FBRS: variants seen among roughly 807,000 people sequenced by gnomAD.
The protein encoded by FBRS is probable fibrosin-1.
Under a neutral mutation model 86.1 loss-of-function variants are expected in FBRS, and 15 were observed. The observed-to-expected ratio is 0.17, with a 90% CI of 0.12 to 0.27. The LOEUF (loss-of-function observed/expected upper bound fraction) is 0.27, where lower values mean the gene tolerates loss of function less well. FBRS is among the 10% of genes least tolerant of loss of function. The pLI, the probability that FBRS is intolerant of heterozygous loss-of-function variation, is 1.00. For missense variants in FBRS, 1,367 were observed against 1,301.6 expected, an observed-to-expected ratio of 1.05 and a Z score of -0.77; for synonymous variants, 666 against 575.8, an observed-to-expected ratio of 1.16 and a Z score of -2.24.
Position 30,664,456 on chromosome 16 carries a change from C to A in FBRS, c.1297C>A (p.Pro433Thr). The change falls in exon 7 of 18, where the codon CCC becomes ACC. Residue 433 changes from proline (P) to threonine (T), a missense_variant. Coordinates refer to ENST00000356166, the MANE Select transcript of FBRS (RefSeq NM_001105079.3). ...CTCCCCTGGCCCCACCCTGCCCCCA[C>A]CCCCACCCCTGCTGCAGGTGCCAGG... Reference protein sequence around the residue: ...LFSPGPTLPPPPPLLQVPGHP... With the variant: ...LFSPGPTLPPTPPLLQVPGHP... The A allele has an allele frequency of 7.0e-7, 1 of 1,419,526 alleles. No homozygotes were observed. The highest frequency in any genetic ancestry group is 9.2e-7 in the Non-Finnish European group (1 of 1,085,072). The allele number at this position is 1,419,526 out of a possible 1,614,324, so 87.9% of individuals were successfully genotyped here.
chr16:30,665,461 G>A lies in FBRS; in HGVS notation c.1704+60G>A. ...CATCTTGACAAACCCAGACACGCCG[G>A]GTCCAAGCACCCTTCTCCCATTCCC... On this transcript the variant is annotated intron_variant, in intron 10 of 17. Coordinates refer to ENST00000356166, the MANE Select transcript of FBRS (RefSeq NM_001105079.3). This position sits in a 1 kb window ranked among gnomAD's most constrained non-coding sequence, Gnocchi z 4.1. 4 of 1,495,662 alleles carry A rather than the reference G, an allele frequency of 2.7e-6. No homozygotes were observed. Among genetic ancestry groups the A allele is most frequent in the Non-Finnish European group, 3.6e-6 (4 of 1,096,426 alleles). The allele number at this position is 1,495,662 out of a possible 1,614,324, so 92.6% of individuals were successfully genotyped here.
rs1174160145 is a variant in FBRS at position 30,668,815 on chromosome 16, A to G, written c.2202A>G (p.Pro734=). ...VFAQKESPGA[P]PAFASPPDPW... Reference sequence around the variant, plus strand: ...CCCAGAAAGAAAGCCCAGGGGCCCCACCAGCCTTCGCCTCCCCACCGGACC... The same window carrying G: ...CCCAGAAAGAAAGCCCAGGGGCCCCGCCAGCCTTCGCCTCCCCACCGGACC... The change falls in exon 17 of 18, where the codon CCA becomes CCG. Residue 734 remains proline, a synonymous_variant. Coordinates refer to ENST00000356166, the MANE Select transcript of FBRS (RefSeq NM_001105079.3). 2 of 1,598,172 alleles carry G rather than the reference A, an allele frequency of 1.3e-6. No individual in the cohort carries two copies. The highest frequency in any genetic ancestry group is 1.3e-5 in the African/African-American group (1 of 74,866).
At position 30,667,531 on chromosome 16, in the gene FBRS, C is replaced by T; in HGVS notation, c.1994-11C>T. ...TCAGCCTCATCAGAATCTCCCACCT[C>T]TCTGCCCCAGGTGCCGTCCACGCTG... On this transcript the variant is annotated splice_polypyrimidine_tract_variant and intron_variant, in intron 14 of 17. Coordinates refer to ENST00000356166, the MANE Select transcript of FBRS (RefSeq NM_001105079.3). 1.3e-6 allele frequency: 2 copies of T among 1,529,988 alleles called. No individual in the cohort carries two copies. Among genetic ancestry groups the T allele is most frequent in the Non-Finnish European group, 1.8e-6 (2 of 1,136,274 alleles). 94.8% of individuals were successfully genotyped at this position (1,529,988 alleles called of 1,614,324 possible). A position where few individuals can be genotyped will look rare whatever the true frequency, so the allele number is the denominator to read the frequency against.
chr16:30,668,984 G>GC lies in FBRS; in HGVS notation c.2366+7dup. 1 of 1,563,864 alleles carries GC rather than the reference G, an allele frequency of 6.4e-7. No individual in the cohort carries two copies. The highest frequency in any genetic ancestry group is 1.9e-5 in the Admixed American group (1 of 53,512). On this transcript the variant is annotated splice_donor_region_variant and intron_variant, in intron 17 of 17. Transcript: ENST00000356166. ...CACCAAGGAGGAGAAGGACAGGTGTGCCTCCCACCCACCCTGCCCCTGCCC... is the reference window on the plus strand; with the variant it reads ...CACCAAGGAGGAGAAGGACAGGTGTGCCCTCCCACCCACCCTGCCCCTGCCC...
Position 30,668,895 on chromosome 16 carries a change from C to T in FBRS, c.2282C>T (p.Pro761Leu). 1 of 1,586,390 alleles carries T rather than the reference C, an allele frequency of 6.3e-7. No individual in the cohort carries two copies. The change falls in exon 17 of 18, where the codon CCT becomes CTT. Residue 761 changes from proline (P) to leucine (L), a missense_variant. Around this residue, in one of 3 missense-constraint regions of FBRS, gnomAD observed 659 missense variants for 678.8 expected, o/e 0.97. Coordinates refer to ENST00000356166, the MANE Select transcript of FBRS (RefSeq NM_001105079.3). ...PLTFPAWVRPPEAARTPGSDK... is the reference protein window; with the variant it reads ...PLTFPAWVRPLEAARTPGSDK... ...ACCTTTCCTGCCTGGGTCCGGCCCC[C>T]TGAGGCCGCCCGGACTCCAGGCTCA...
intron 16 of FBRS, 27 bp downstream of exon 16, chr16:30,668,670 G>GGGGGGC: frequency 6.3e-7 from 1 of 1,587,718 alleles, no homozygotes; most frequent in Non-Finnish European, 8.6e-7. Flanking sequence ...TGGGGTGGGG[G>GGGGGGC]GGCTGCGGCC....
rs1243475806 is a variant in FBRS, at chr16:30,662,667, C to T, written c.863C>T (p.Pro288Leu). The change falls in exon 6 of 18, where the codon CCG becomes CTG. Residue 288 changes from proline (P) to leucine (L), a missense_variant. Transcript: ENST00000356166. ...RSQEQPPGPD[P>L]LLVPFPPKEP... ...CAAGAACAGCCCCCGGGGCCCGACC[C>T]GCTGCTAGTGCCTTTCCCCCCAAAG... 19 of 1,548,966 alleles carry T rather than the reference C, an allele frequency of 1.2e-5. No homozygotes were observed. The highest frequency in any genetic ancestry group is 7.3e-5 in the East Asian group (3 of 40,894).
In FBRS at chr16:30,669,992, G is replaced by C. The variant is rs1286484253; in HGVS notation, c.*347G>C. ...CTCCCCAAGGGCTCACTAAGCCAGA[G>C]GCCAAAGTGCCCCCTCCCGTTCACC... On this transcript the variant is annotated 3_prime_UTR_variant, in exon 18 of 18. Coordinates refer to ENST00000356166, the MANE Select transcript of FBRS (RefSeq NM_001105079.3). This position sits in a 1 kb window ranked among gnomAD's most constrained non-coding sequence, Gnocchi z 5.9. 2 of 520,406 alleles carry C rather than the reference G, an allele frequency of 3.8e-6. No individual in the cohort carries two copies. Among genetic ancestry groups the C allele is most frequent in the African/African-American group, 1.9e-5 (1 of 52,242 alleles). The allele number at this position is 520,406 out of a possible 1,614,324, so 32.2% of individuals were successfully genotyped here.
At position 30,659,434 on chromosome 16, in the gene FBRS, C is replaced by A; in HGVS notation, c.-85C>A. On this transcript the variant is annotated 5_prime_UTR_variant, in exon 1 of 18. Transcript: ENST00000356166. The stretch of plus-strand genomic sequence containing the variant: ...TGGCCCTCTCGTCACTGTGCAGCCG[C>A]CAGCGCCGCGCCTGCGACCCCGGGC... 1 of 218,544 alleles carries A rather than the reference C, an allele frequency of 4.6e-6. No homozygotes were observed. The highest frequency in any genetic ancestry group is 8.9e-6 in the Non-Finnish European group (1 of 111,804). The allele number at this position is 218,544 out of a possible 1,614,324, so 13.5% of individuals were successfully genotyped here. A position where few individuals can be genotyped will look rare whatever the true frequency, so the allele number is the denominator to read the frequency against.
Position 30,659,824 on chromosome 16 carries a change from G to T in FBRS, c.306G>T (p.Ser102=). ...GAGCTCGGAAGCGGCCTGCCGGCTC[G>T]GGCAGCCGCGGGGAGGAAGAGGAGG... is the stretch of plus-strand genomic sequence containing the variant. ...RPRARKRPAG[S]GSRGEEEEEE... is the part of the protein sequence containing the mutation. The change falls in exon 1 of 18, where the codon TCG becomes TCT. Residue 102 remains serine (S), a synonymous_variant. Coordinates refer to ENST00000356166, the MANE Select transcript of FBRS (RefSeq NM_001105079.3). The T allele has an allele frequency of 6.6e-7, 1 of 1,521,060 alleles. No homozygotes were observed. Among genetic ancestry groups the T allele is most frequent in the South Asian group, 1.2e-5 (1 of 83,176 alleles). 94.2% of individuals were successfully genotyped at this position (1,521,060 alleles called of 1,614,324 possible). A position where few individuals can be genotyped will look rare whatever the true frequency, so the allele number is the denominator to read the frequency against.
intron 6 of FBRS, among the ~76,000 whole-genome samples, 168 bp from the exon 7 acceptor site, chr16:30,664,047 G>C (rs781125278): frequency 6.6e-6 from 1 of 152,102 alleles, no homozygotes; most frequent in South Asian, 2.1e-4. Flanking sequence ...TGTGGGAGGC[G>C]CCTCAGTCTG....
In FBRS at chr16:30,665,604, T is replaced by A. The variant is rs769632133; in HGVS notation, c.1705-34T>A. ...GGATCCCTTTGTGCTTGGTGCCAGCTCTCCTGTCTGATCCCTCCACTCCCC... is the reference window on the plus strand; with the variant it reads ...GGATCCCTTTGTGCTTGGTGCCAGCACTCCTGTCTGATCCCTCCACTCCCC... On this transcript the variant is annotated intron_variant, in intron 10 of 17. Transcript: ENST00000356166. This position sits in a 1 kb window ranked among gnomAD's most constrained non-coding sequence, Gnocchi z 4.1. 90 of 1,560,238 alleles carry A rather than the reference T, an allele frequency of 5.8e-5. No homozygotes were observed. The Admixed American group carries it at 1.7e-3, about 29-fold the overall frequency.
In FBRS at chr16:30,659,689, G is replaced by A; in HGVS notation, c.171G>A (p.Ser57=). ...CCGCCCCGCGCGGCTCCTCGTCCTC[G>A]TCGTCGCCGCCGCCGCCCGCCAGGC... ...LLAAPRGSSS[S]SSPPPPARPW... Residue 57 remains serine (S), a synonymous_variant, in exon 1 of 18, where the codon TCG becomes TCA. Coordinates refer to ENST00000356166, the MANE Select transcript of FBRS (RefSeq NM_001105079.3). 2.3e-6 allele frequency: 2 copies of A among 874,228 alleles called. No individual in the cohort carries two copies. Among genetic ancestry groups the A allele is most frequent in the Non-Finnish European group, 3.4e-6 (2 of 591,490 alleles). 54.2% of individuals were successfully genotyped at this position (874,228 alleles called of 1,614,324 possible).
At chr16:30,663,052 G>A in intron 6 of FBRS, 193 bp downstream of exon 6, 1 of 1,081,700 alleles carries the variant, frequency 9.2e-7, no homozygotes, top group Non-Finnish European at 1.2e-6. Flanking sequence ...GGGAATCCAG[G>A]CTGTGCTGTT....
Position 30,666,996 on chromosome 16 carries a change from G to A in FBRS, c.1875+6G>A, listed in dbSNP as rs929313039. On this transcript the variant is annotated splice_donor_region_variant and intron_variant, in intron 13 of 17. Coordinates refer to ENST00000356166, the MANE Select transcript of FBRS (RefSeq NM_001105079.3). ...GACACCAGGAGAAAATGAAGGTACT[G>A]GGGCCGGAGGGCTGGGGAGAGTGGG... is the stretch of plus-strand genomic sequence containing the variant. 8 of 1,603,472 alleles carry A rather than the reference G, an allele frequency of 5.0e-6. No homozygotes were observed. The highest frequency in any genetic ancestry group is 5.1e-6 in the Non-Finnish European group (6 of 1,175,198).
Position 30,665,308 on chromosome 16 carries a change from G to C in FBRS, c.1611G>C (p.Pro537=), listed in dbSNP as rs768842699. Residue 537 remains proline (P), a splice_region_variant and synonymous_variant, in exon 10 of 18, where the codon CCG becomes CCC. Transcript: ENST00000356166. This position sits in a 1 kb window ranked among gnomAD's most constrained non-coding sequence, Gnocchi z 4.1. Reference sequence around the variant, plus strand: ...ACTAGTCCCCCTTCTCTCCACAGCCGTACACGGCCTTCCCTCCCGCAGTGC... The same window carrying C: ...ACTAGTCCCCCTTCTCTCCACAGCCCTACACGGCCTTCCCTCCCGCAGTGC... ...GKMEGLFRHN[P]YTAFPPAVPG... The C allele has an allele frequency of 1.3e-6, 2 of 1,560,838 alleles. No individual in the cohort carries two copies. The highest frequency in any genetic ancestry group is 2.7e-5 in the African/African-American group (2 of 73,418).
chr16:30,662,251 T>A lies in FBRS; in HGVS notation c.706-169T>A, dbSNP rs2052470777. On this transcript the variant is annotated intron_variant, in intron 4 of 17. Coordinates refer to ENST00000356166, the MANE Select transcript of FBRS (RefSeq NM_001105079.3). Reference sequence around the variant, plus strand: ...GTCAGCTGCTCCACTCTGCTTTTTCTCCAAGCTCAGCCCCCTAGAGCCCAG... The same window carrying A: ...GTCAGCTGCTCCACTCTGCTTTTTCACCAAGCTCAGCCCCCTAGAGCCCAG... The A allele has an allele frequency of 2.9e-6, 3 of 1,046,816 alleles. No individual in the cohort carries two copies. In the East Asian group the frequency reaches 8.0e-5, roughly 28 times the overall value. 64.8% of individuals were successfully genotyped at this position (1,046,816 alleles called of 1,614,324 possible).
intron 16 of FBRS, 63 bp from the exon 17 acceptor site, chr16:30,668,709 G>A (rs1400728903): frequency 6.3e-7 from 1 of 1,585,138 alleles, no homozygotes; most frequent in Non-Finnish European, 8.6e-7. Context: ...CGGTCTGGGA[G>A]GAGGCCTGAA....
chr16:30,662,575 C>A lies in FBRS; in HGVS notation c.771C>A (p.Gly257=). The A allele has an allele frequency of 6.5e-7, 1 of 1,542,068 alleles. No individual in the cohort carries two copies. The highest frequency in any genetic ancestry group is 8.8e-7 in the Non-Finnish European group (1 of 1,141,010). Residue 257 remains glycine (G), a synonymous_variant, in exon 6 of 18, where the codon GGC becomes GGA. Transcript: ENST00000356166. ...VSTSKASGPH[G]AFNGNCEAKL... ...GCCCCACAGCCTCGGGCCCCCACGG[C>A]GCCTTCAATGGGAACTGTGAAGCAA...
Sources: allele counts gnomAD v4.1 joint callset (sites outside exome capture counted in the v4.1 genomes callset), GRCh38; gene constraint gnomAD v4.1.1; regional missense constraint gnomAD v4.1.1; non-coding constraint Gnocchi (gnomAD v3.1); transcripts MANE v1.5; gene names NCBI Gene and HGNC (gene_info 2026-07-23, HGNC 2026-07-21).